Variants in TMEM135 observed in about 807,000 individuals in gnomAD.
TMEM135 encodes peroxisomal membrane protein 52.
Under a neutral mutation model 60.3 loss-of-function variants are expected in TMEM135, and 30 were observed. The observed-to-expected ratio is 0.50, with a 90% CI of 0.37 to 0.68. TMEM135 has a LOEUF of 0.68. Among genes scored for constraint, TMEM135 ranks in the 30% least tolerant of loss-of-function variants. The pLI is 0.00. For synonymous variants in TMEM135, 190 were observed against 186.7 expected (o/e 1.02, Z -0.14); for missense variants, 468 against 548.8 (o/e 0.85, Z 1.47).
chr11:87,086,528 G>C (rs946991513), intron 3 of TMEM135, among the ~76,000 whole-genome samples: 4 of 152,082 alleles, frequency 2.6e-5, no homozygotes, highest in Admixed American at 2.0e-4. Context: ...AGGAGACGTG[G>C]GGGTGGTCCC....
At chr11:87,171,192 G>T (rs1939227154) in intron 5 of TMEM135, among the ~76,000 whole-genome samples, 1 of 152,088 alleles carries the variant, frequency 6.6e-6, no homozygotes, top group African/African-American at 2.4e-5. Context: ...TCATGTTGAA[G>T]GGAAGTAACA....
chr11:87,315,461 T>C (rs1488012671), intron 12 of TMEM135, among the ~76,000 whole-genome samples: 1 of 151,944 alleles, frequency 6.6e-6, no homozygotes, highest in African/African-American at 2.4e-5. Flanking sequence ...GTTCTCTCTC[T>C]TTTTGTGATG....
chr11:87,201,710 A>G (rs915056850), intron 5 of TMEM135, among the ~76,000 whole-genome samples: 2 of 152,170 alleles, frequency 1.3e-5, no homozygotes, highest in African/African-American at 4.8e-5. Context: ...CCTTTTTTCT[A>G]CTTCATATTC....
chr11:87,183,870 C>T (rs1279076781), intron 5 of TMEM135, among the ~76,000 whole-genome samples: 2 of 145,014 alleles, frequency 1.4e-5, no homozygotes, highest in East Asian at 2.1e-4. Context: ...GCAGAAGAAT[C>T]GCTTGAACCT....
intron 6 of TMEM135, among the ~76,000 whole-genome samples, chr11:87,238,123 C>A (rs1400294594): frequency 6.6e-6 from 1 of 151,880 alleles, no homozygotes; most frequent in Non-Finnish European, 1.5e-5. Flanking sequence ...CTGCAACAAA[C>A]ATGGGAGTAC....
At chr11:87,181,516 A>G (rs1939515122) in intron 5 of TMEM135, among the ~76,000 whole-genome samples, 1 of 152,160 alleles carries the variant, frequency 6.6e-6, no homozygotes, top group Non-Finnish European at 1.5e-5. Context: ...TTCAGTTTAT[A>G]TGACATTCTG....
intron 4 of TMEM135, among the ~76,000 whole-genome samples, chr11:87,135,093 T>A (rs1938052563): frequency 2.0e-5 from 3 of 152,174 alleles, no homozygotes; most frequent in Admixed American, 2.0e-4. Context: ...TTGTTTTTCT[T>A]ATTATGGGGC....
At chr11:87,311,924 T>C (rs1424336195) in intron 10 of TMEM135, among the ~76,000 whole-genome samples, 1 of 151,930 alleles carries the variant, frequency 6.6e-6, no homozygotes, top group Non-Finnish European at 1.5e-5. Context: ...TCAAAATTAT[T>C]GTTTGATGTT....
At chr11:87,188,962 A>G (rs57662304) in intron 5 of TMEM135, among the ~76,000 whole-genome samples, 356 of 152,070 alleles carry the variant, frequency 2.3e-3, no homozygotes, top group African/African-American at 8.0e-3. Context: ...TAATTATTCC[A>G]TAGTATAGTT....
At chr11:87,270,707 G>A (rs1290167256) in intron 6 of TMEM135, among the ~76,000 whole-genome samples, 1 of 152,068 alleles carries the variant, frequency 6.6e-6, no homozygotes, top group African/African-American at 2.4e-5. Flanking sequence ...CACTGTTCTT[G>A]TGGAGAAATA....
At chr11:87,223,741 T>C (rs1940701582) in intron 5 of TMEM135, among the ~76,000 whole-genome samples, 1 of 151,020 alleles carries the variant, frequency 6.6e-6, no homozygotes, top group Admixed American at 6.6e-5. Context: ...TTCCAGCCAC[T>C]CTGGAGGCTG....
At chr11:87,107,686 C>T (rs1409451736) in intron 4 of TMEM135, among the ~76,000 whole-genome samples, 3 of 152,122 alleles carry the variant, frequency 2.0e-5, no homozygotes, top group Non-Finnish European at 4.4e-5. Context: ...GGGTTGGTTC[C>T]AAGTCTTTGC....
rs1317900602 is a variant in TMEM135, at chr11:87,192,044, C to T, written c.462+34638C>T. 5.1e-5 allele frequency among the ~76,000 whole-genome samples: 7 copies of T among 136,496 alleles called. No homozygotes were observed. The Admixed American group carries it at 5.5e-4, about 11-fold the overall frequency. 89.5% of individuals were successfully genotyped at this position (136,496 alleles called of 152,430 possible). A position where few individuals can be genotyped will look rare whatever the true frequency, so the allele number is the denominator to read the frequency against. On this transcript the variant is annotated intron_variant, in intron 5 of 14. Coordinates refer to ENST00000305494, the MANE Select transcript of TMEM135 (RefSeq NM_022918.4). ...TGCTCCAGGCTGGAGTGCAGTGGCG[C>T]GATCTGGGCTTACTGCAACCTCCAC... is the stretch of plus-strand genomic sequence containing the variant.
intron 3 of TMEM135, among the ~76,000 whole-genome samples, chr11:87,086,756 G>A (rs1857105499): frequency 6.6e-6 from 1 of 152,186 alleles, no homozygotes. Context: ...TTGGAGGAAA[G>A]TATGCCAAAC....
At chr11:87,122,015 A>G (rs1157080418) in intron 4 of TMEM135, among the ~76,000 whole-genome samples, 1 of 152,232 alleles carries the variant, frequency 6.6e-6, no homozygotes, top group Non-Finnish European at 1.5e-5. Flanking sequence ...ATGGTGTTCA[A>G]TTAGTAAAAC....
At chr11:87,057,725 C>A (rs1949906561) in intron 1 of TMEM135, among the ~76,000 whole-genome samples, 1 of 151,716 alleles carries the variant, frequency 6.6e-6, no homozygotes, top group Non-Finnish European at 1.5e-5. Flanking sequence ...ATGATTCTAA[C>A]CTTAAAAATA....
intron 5 of TMEM135, among the ~76,000 whole-genome samples, chr11:87,184,167 T>A (rs1939594103): frequency 6.6e-6 from 1 of 152,156 alleles, no homozygotes; most frequent in African/African-American, 2.4e-5. Flanking sequence ...AAACCTTGTC[T>A]CTGATTTGTT....
At chr11:87,056,263 C>T (rs1270544602) in intron 1 of TMEM135, among the ~76,000 whole-genome samples, 1 of 152,076 alleles carries the variant, frequency 6.6e-6, no homozygotes, top group East Asian at 1.9e-4. Flanking sequence ...CTAGGAATGC[C>T]TAATTTTCTG....
intron 5 of TMEM135, among the ~76,000 whole-genome samples, chr11:87,160,596 TTTCC>T (rs1938844697): frequency 6.6e-6 from 1 of 152,080 alleles, no homozygotes; most frequent in Non-Finnish European, 1.5e-5. Flanking sequence ...TAGACTAGAG[TTTCC>T]TAATTTTTAT....
Sources: allele counts gnomAD v4.1 joint callset (sites outside exome capture counted in the v4.1 genomes callset), GRCh38; gene constraint gnomAD v4.1.1; transcripts MANE v1.5; gene names NCBI Gene and HGNC (gene_info 2026-07-23, HGNC 2026-07-21).